GCFC2: variants seen among roughly 807,000 people sequenced by gnomAD.
GCFC2 encodes the protein GC-rich sequence DNA-binding factor 2.
A neutral mutation model predicts 99.4 loss-of-function variants in GCFC2; 102 were observed. That is an observed-to-expected ratio of 1.03 (90% CI 0.87 to 1.21). The LOEUF (loss-of-function observed/expected upper bound fraction) is 1.21, where lower values mean the gene tolerates loss of function less well. GCFC2 is among the 50% of genes most tolerant of loss of function. The pLI is 0.00. For synonymous variants in GCFC2, 338 were observed against 316.8 expected, an observed-to-expected ratio of 1.07 and a Z score of -0.71; for missense variants, 973 against 920.9, an observed-to-expected ratio of 1.06 and a Z score of -0.73.
rs760863102 is a variant in GCFC2 at position 75,701,252 on chromosome 2, CCTGA to C, written c.651_654del (p.Ser217ArgfsTer14). The C allele has an allele frequency of 3.7e-5, 59 of 1,608,632 alleles. No homozygotes were observed. The highest frequency in any genetic ancestry group is 1.6e-4 in the Middle Eastern group (1 of 6,070). On this transcript the variant is annotated frameshift_variant, in exon 4 of 17. Coordinates refer to ENST00000321027, the MANE Select transcript of GCFC2 (RefSeq NM_003203.5). LOFTEE classifies it high-confidence loss of function. ...TCCCAAGTATCTTGCTTTTCATCTT[CCTGA>C]CTTTCTTCACTTGTTTCTTCATTTC... is the stretch of plus-strand genomic sequence containing the variant.
rs1573037984 is a variant in GCFC2, at chr2:75,666,142, T to A, written c.2104-89A>T. On this transcript the variant is annotated intron_variant, in intron 15 of 16. Coordinates refer to ENST00000321027, the MANE Select transcript of GCFC2 (RefSeq NM_003203.5). ...TCTCATAGTGATACTGTAAGCTGAG[T>A]ATCATTCTCCCCATTTTATAGTTTA... 11 of 904,234 alleles carry A rather than the reference T, an allele frequency of 1.2e-5. No homozygotes were observed. The East Asian group carries it at 2.9e-4, about 24-fold the overall frequency. The allele number at this position is 904,234 out of a possible 1,614,324, so 56.0% of individuals were successfully genotyped here.
In GCFC2 at chr2:75,680,334, G is replaced by A; in HGVS notation, c.1691-20C>T. The stretch of plus-strand genomic sequence containing the variant: ...CAAAGTCTGAAACAAATATTTCAGT[G>A]GTACACAATGTATTTACTAGATTGT... On this transcript the variant is annotated intron_variant, in intron 11 of 16. Coordinates refer to ENST00000321027, the MANE Select transcript of GCFC2 (RefSeq NM_003203.5). 6.3e-7 allele frequency: 1 copy of A among 1,596,008 alleles called. No individual in the cohort carries two copies. The highest frequency in any genetic ancestry group is 1.3e-5 in the African/African-American group (1 of 74,586).
chr2:75,710,478 T>C (rs1272411427), intron 1 of GCFC2, 113 bp downstream of exon 1: 35 of 1,390,350 alleles, frequency 2.5e-5, no homozygotes, highest in South Asian at 4.8e-5. Flanking sequence ...AGACTCAGCA[T>C]GGCTTGTGGT....
intron 11 of GCFC2, among the ~76,000 whole-genome samples, chr2:75,683,468 T>C (rs1225678596): frequency 6.7e-6 from 1 of 149,562 alleles, no homozygotes; most frequent in East Asian, 1.9e-4. Flanking sequence ...AAGGTACAAC[T>C]GGTACCAGAC....
intron 1 of GCFC2, among the ~76,000 whole-genome samples, chr2:75,708,458 G>A (rs1680967715): frequency 6.9e-6 from 1 of 145,768 alleles, no homozygotes; most frequent in South Asian, 2.2e-4. Context: ...TAAGGTAAGA[G>A]CACCCCAAAT....
intron 2 of GCFC2, among the ~76,000 whole-genome samples, chr2:75,704,569 C>A (rs1185113375): frequency 6.6e-6 from 1 of 152,278 alleles, no homozygotes; most frequent in Non-Finnish European, 1.5e-5. Flanking sequence ...AACTCAACTA[C>A]TATAATCATT....
intron 12 of GCFC2, among the ~76,000 whole-genome samples, chr2:75,673,891 G>A (rs1188674450): frequency 6.6e-6 from 1 of 152,176 alleles, no homozygotes. Flanking sequence ...TACAGTTCAT[G>A]TCCATACGTT....
rs143053511 is a variant in GCFC2 at position 75,696,694 on chromosome 2, C to A, written c.718-379G>T. ...AACACCTATTTCCATGATAGAAGTA[C>A]CTATTTAACTGCAACTCCATTCTAG... On this transcript the variant is annotated intron_variant, in intron 4 of 16. Transcript: ENST00000321027. Among the ~76,000 whole-genome samples, 199 of 152,214 alleles carry A rather than the reference C, an allele frequency of 1.3e-3. 1 individual carries two copies. Among genetic ancestry groups the A allele is most frequent in the African/African-American group, 4.6e-3 (189 of 41,536 alleles).
At chr2:75,668,055 T>C (rs771003015) in intron 15 of GCFC2, among the ~76,000 whole-genome samples, 24 of 152,150 alleles carry the variant, frequency 1.6e-4, no homozygotes, top group African/African-American at 2.7e-4. Context: ...ATTAAAGAGC[T>C]AGAGAAACTG....
chr2:75,690,666 ACT>A lies in GCFC2; in HGVS notation c.1196_1197del (p.Gln399LeufsTer7), dbSNP rs773718384. 3.9e-6 allele frequency: 6 copies of A among 1,554,820 alleles called. No individual in the cohort carries two copies. The highest frequency in any genetic ancestry group is 2.3e-5 in the East Asian group (1 of 44,364). The part of the protein sequence containing the change: ...SGNFSVDEKT[Q>X]WILEEIESRR... ...CGAGATTCAATCTCTTCTAAAATCC[ACT>A]GAGTTTTTTCATCTACTGAGAAGTT... On this transcript the variant is annotated frameshift_variant, in exon 8 of 17. Transcript: ENST00000321027. LOFTEE classifies it high-confidence loss of function.
At chr2:75,684,568 G>C (rs878895356) in intron 11 of GCFC2, among the ~76,000 whole-genome samples, 2 of 152,150 alleles carry the variant, frequency 1.3e-5, no homozygotes, top group Admixed American at 1.3e-4. Flanking sequence ...AATTAAAAGA[G>C]AGGATGTGGA....
At chr2:75,692,576 G>A (rs1349804440) in intron 6 of GCFC2, among the ~76,000 whole-genome samples, 2 of 152,002 alleles carry the variant, frequency 1.3e-5, no homozygotes, top group Non-Finnish European at 2.9e-5. Context: ...GAACTCTGGA[G>A]GTGGAGGTTA....
chr2:75,669,557 A>C (rs1181527085), intron 15 of GCFC2, among the ~76,000 whole-genome samples: 1 of 152,082 alleles, frequency 6.6e-6, no homozygotes, highest in East Asian at 1.9e-4. Context: ...TTTTACCTGA[A>C]ATTTTTTTGG....
At chr2:75,665,346 G>C (rs570821839) in intron 16 of GCFC2, among the ~76,000 whole-genome samples, 1 of 152,120 alleles carries the variant, frequency 6.6e-6, no homozygotes, top group Admixed American at 6.5e-5. Context: ...TAGAGACAGG[G>C]TCTTGCTATG....
chr2:75,664,586 A>G lies in GCFC2; in HGVS notation c.*80T>C. The stretch of plus-strand genomic sequence containing the variant: ...CCTTCTATTACAGGGAATAAAGAAG[A>G]GAGAGGCACCAGCTTCTTCTCAAAC... On this transcript the variant is annotated 3_prime_UTR_variant, in exon 17 of 17. Coordinates refer to ENST00000321027, the MANE Select transcript of GCFC2 (RefSeq NM_003203.5). The G allele has an allele frequency of 1.5e-6, 1 of 684,602 alleles. No homozygotes were observed. The highest frequency in any genetic ancestry group is 2.5e-5 in the East Asian group (1 of 39,226). The allele number at this position is 684,602 out of a possible 1,614,324, so 42.4% of individuals were successfully genotyped here. A position where few individuals can be genotyped will look rare whatever the true frequency, so the allele number is the denominator to read the frequency against.
At chr2:75,701,656 T>C (rs765656910) in intron 3 of GCFC2, 9 of 181,302 alleles carry the variant, frequency 5.0e-5, no homozygotes, top group Non-Finnish European at 1.0e-4. Context: ...AATTACTACC[T>C]GAGAATCCAA....
chr2:75,668,392 A>G (rs1678944943), intron 15 of GCFC2, among the ~76,000 whole-genome samples: 1 of 152,120 alleles, frequency 6.6e-6, no homozygotes, highest in Admixed American at 6.5e-5. Context: ...TGTAACTTTC[A>G]GTTGGTCTGG....
At chr2:75,697,292 T>C (rs1340950904) in intron 4 of GCFC2, among the ~76,000 whole-genome samples, 2 of 152,228 alleles carry the variant, frequency 1.3e-5, no homozygotes, top group Non-Finnish European at 2.9e-5. Flanking sequence ...TTCACTGGCT[T>C]AGCTATTCTT....
chr2:75,707,923 A>C (rs1444232570), intron 1 of GCFC2, among the ~76,000 whole-genome samples: 1 of 152,302 alleles, frequency 6.6e-6, no homozygotes. Flanking sequence ...TAATTAAAAA[A>C]TTGTTATTTT....
Sources: gnomAD v4.1 joint callset for allele counts (sites outside exome capture counted in the v4.1 genomes callset) on GRCh38, gnomAD v4.1.1 for gene constraint, MANE v1.5 for transcripts, NCBI Gene and HGNC (gene_info 2026-07-23, HGNC 2026-07-21) for gene names.